CCDC60: variants seen among roughly 807,000 people sequenced by gnomAD.
CCDC60 encodes coiled-coil domain containing 60, also known as coiled-coil domain-containing protein 60.
A neutral mutation model predicts 63.5 loss-of-function variants in CCDC60; 54 were observed. That is an observed-to-expected ratio of 0.85 (90% CI 0.68 to 1.07). The LOEUF (loss-of-function observed/expected upper bound fraction) is 1.07. CCDC60 is among the 50% of genes least tolerant of loss of function. The pLI, the probability that CCDC60 is intolerant of heterozygous loss-of-function variation, is 0.00. For synonymous variants in CCDC60, 206 were observed against 238.8 expected, an observed-to-expected ratio of 0.86 and a Z score of 1.27; for missense variants, 651 against 684.3, an observed-to-expected ratio of 0.95 and a Z score of 0.54.
chr12:119,440,038 A>C (rs1453336718), intron 2 of CCDC60, among the ~76,000 whole-genome samples: 1 of 151,886 alleles, frequency 6.6e-6, no homozygotes, highest in East Asian at 1.9e-4. Flanking sequence ...CAGGGAGTGG[A>C]ACACCACACA....
At chr12:119,405,227 T>C (rs1237772974) in intron 1 of CCDC60, among the ~76,000 whole-genome samples, 1 of 152,196 alleles carries the variant, frequency 6.6e-6, no homozygotes, top group African/African-American at 2.4e-5. Flanking sequence ...TGAACCCCAA[T>C]TGGTTTCTCA....
intron 1 of CCDC60, among the ~76,000 whole-genome samples, chr12:119,337,830 G>GTGTGTGTGTA (rs1489935694): frequency 6.1e-4 from 57 of 93,358 alleles, no homozygotes; most frequent in Admixed American, 1.0e-3. Context: ...GTATTTGTGT[G>GTGTGTGTGTA]TGTGTGTGTG....
At chr12:119,390,428 A>G (rs745375749) in intron 1 of CCDC60, among the ~76,000 whole-genome samples, 2 of 152,202 alleles carry the variant, frequency 1.3e-5, no homozygotes, top group African/African-American at 2.4e-5. Flanking sequence ...CATTCTATAC[A>G]TCACATCTCT....
At chr12:119,502,297 T>C (rs1160401741) in intron 6 of CCDC60, among the ~76,000 whole-genome samples, 3 of 152,218 alleles carry the variant, frequency 2.0e-5, no homozygotes, top group Non-Finnish European at 4.4e-5. Context: ...TGTAAAATCC[T>C]GGGTAGCTAA....
intron 2 of CCDC60, among the ~76,000 whole-genome samples, chr12:119,466,195 C>T (rs1412595116): frequency 6.6e-6 from 1 of 152,178 alleles, no homozygotes; most frequent in Non-Finnish European, 1.5e-5. Flanking sequence ...TGACACCCCT[C>T]ATCCCTGGCA....
chr12:119,496,473 AT>A lies in CCDC60; in HGVS notation c.558-3604del, dbSNP rs546296469. On this transcript the variant is annotated intron_variant, in intron 5 of 13. Coordinates refer to ENST00000327554, the MANE Select transcript of CCDC60 (RefSeq NM_178499.5). ...AGGGGAAAATTACGGTCTGAAAGTT[AT>A]AGCTACATCTCCCCCAAGGATCTGC... Among the ~76,000 whole-genome samples the A allele has an allele frequency of 5.0e-3, 765 of 152,318 alleles. 8 individuals carry two copies. The highest frequency in any genetic ancestry group is 0.018 in the African/African-American group (738 of 41,578).
intron 5 of CCDC60, among the ~76,000 whole-genome samples, chr12:119,493,347 A>G (rs1371199992): frequency 1.3e-5 from 2 of 152,134 alleles, no homozygotes; most frequent in African/African-American, 4.8e-5. Flanking sequence ...CGATACCTCA[A>G]TGAGGGCTTT....
At chr12:119,350,180 T>G (rs1320590437) in intron 1 of CCDC60, among the ~76,000 whole-genome samples, 2 of 96,370 alleles carry the variant, frequency 2.1e-5, no homozygotes, top group Non-Finnish European at 3.8e-5. Context: ...ATTATTTATT[T>G]ATTTATTTAT....
At chr12:119,355,523 T>C (rs1233108067) in intron 1 of CCDC60, among the ~76,000 whole-genome samples, 2 of 152,194 alleles carry the variant, frequency 1.3e-5, no homozygotes, top group Non-Finnish European at 2.9e-5. Context: ...ACACCTACTA[T>C]GTACTGACGC....
At chr12:119,455,830 GAGA>G (rs924050337) in intron 2 of CCDC60, among the ~76,000 whole-genome samples, 10 of 146,182 alleles carry the variant, frequency 6.8e-5, no homozygotes, top group Middle Eastern at 3.5e-3. Context: ...GAGGAGGAAG[GAGA>G]AGAAGAAGGA....
Position 119,523,675 on chromosome 12 carries a change from T to A in CCDC60, c.1104-18T>A. ...CCCTGGGCTCCATTCCCCAAGCCCT[T>A]CTTATCTGTGTCCACAGCCGCACTA... On this transcript the variant is annotated intron_variant, in intron 10 of 13. Coordinates refer to ENST00000327554, the MANE Select transcript of CCDC60 (RefSeq NM_178499.5). The A allele has an allele frequency of 5.6e-6, 9 of 1,613,594 alleles. No individual in the cohort carries two copies. The highest frequency in any genetic ancestry group is 7.6e-6 in the Non-Finnish European group (9 of 1,179,732).
rs769846335 is a variant in CCDC60 at position 119,385,932 on chromosome 12, ACTC to A, written c.91-42743_91-42741del. Among the ~76,000 whole-genome samples, 3 of 151,476 alleles carry A rather than the reference ACTC, an allele frequency of 2.0e-5. No homozygotes were observed. In the South Asian group the frequency reaches 6.3e-4, roughly 32 times the overall value. On this transcript the variant is annotated intron_variant, in intron 1 of 13. Transcript: ENST00000327554. ...TCTGTGCAAATAGTCCCTTTATTCAACTCCTCCTCCAATTCCCAGTTTGAGTGC... is the reference window on the plus strand; with the variant it reads ...TCTGTGCAAATAGTCCCTTTATTCAACTCCTCCAATTCCCAGTTTGAGTGC...
At chr12:119,462,784 C>T (rs1237488797) in intron 2 of CCDC60, among the ~76,000 whole-genome samples, 1 of 148,552 alleles carries the variant, frequency 6.7e-6, no homozygotes, top group Admixed American at 6.9e-5. Flanking sequence ...CCATGCCCAA[C>T]TAACTTCATT....
rs528043187 is a variant in CCDC60, at chr12:119,451,177, T to C, written c.171-20817T>C. 9.2e-5 allele frequency among the ~76,000 whole-genome samples: 14 copies of C among 152,280 alleles called. No individual in the cohort carries two copies. In the East Asian group the frequency reaches 2.7e-3, roughly 29 times the overall value. ...ACCACTGAAGGACTTAAAACAGGGA[T>C]GCATTTTTCCACAAGATGTACATCT... is the stretch of plus-strand genomic sequence containing the variant. On this transcript the variant is annotated intron_variant, in intron 2 of 13. Transcript: ENST00000327554.
At chr12:119,513,052 C>A (rs1952255188) in intron 7 of CCDC60, among the ~76,000 whole-genome samples, 1 of 152,190 alleles carries the variant, frequency 6.6e-6, no homozygotes, top group South Asian at 2.1e-4. Flanking sequence ...CAAGGGACAA[C>A]CTCACACTGT....
In CCDC60 at chr12:119,472,108, T is replaced by C. The variant is rs752512617; in HGVS notation, c.285T>C (p.Asn95=). The part of the protein sequence containing the change: ...QLQKLKEEER[N]KFQPAEKISE... The stretch of plus-strand genomic sequence containing the variant: ...AGAAACTGAAAGAGGAGGAAAGAAA[T>C]AAATTCCAGCCAGCCGAAAAGATCT... Residue 95 remains asparagine, a synonymous_variant, in exon 3 of 14, where the codon AAT becomes AAC. Transcript: ENST00000327554. 6.2e-7 allele frequency: 1 copy of C among 1,614,054 alleles called. No individual in the cohort carries two copies. Among genetic ancestry groups the C allele is most frequent in the Non-Finnish European group, 8.5e-7 (1 of 1,179,994 alleles).
chr12:119,499,362 C>T (rs1951791305), intron 5 of CCDC60, among the ~76,000 whole-genome samples: 1 of 152,068 alleles, frequency 6.6e-6, no homozygotes, highest in Non-Finnish European at 1.5e-5. Context: ...AATTACAATA[C>T]AAAATTAGGT....
intron 3 of CCDC60, among the ~76,000 whole-genome samples, chr12:119,478,101 G>C (rs1006290404): frequency 6.6e-6 from 1 of 152,074 alleles, no homozygotes; most frequent in Non-Finnish European, 1.5e-5. Context: ...ATCACTTGAG[G>C]ACAGGAGTTC....
intron 2 of CCDC60, chr12:119,433,251 G>A (rs1385811785): frequency 3.3e-6 from 2 of 613,246 alleles, no homozygotes. Flanking sequence ...GAATAGAGGG[G>A]ATTAATTATT....
Sources: gnomAD v4.1 joint callset for allele counts (sites outside exome capture counted in the v4.1 genomes callset) on GRCh38, gnomAD v4.1.1 for gene constraint, MANE v1.5 for transcripts, NCBI Gene and HGNC (gene_info 2026-07-23, HGNC 2026-07-21) for gene names.